The following LCLAT1 variants were observed in gnomAD, a reference collection of about 807,000 sequenced individuals.
LCLAT1 encodes lysocardiolipin acyltransferase 1, also known as 1-AGP acyltransferase 8.
Under a neutral mutation model 30.7 loss-of-function variants are expected in LCLAT1, and 11 were observed. The ratio of observed to expected loss-of-function variants is 0.36; its 90% CI spans 0.23 to 0.59. The LOEUF is 0.59. LCLAT1 is among the 20% of genes least tolerant of loss of function. The pLI is 0.77. For synonymous variants in LCLAT1, 155 were observed against 151.3 expected, an observed-to-expected ratio of 1.02 and a Z score of -0.18; for missense variants, 402 against 458.6, an observed-to-expected ratio of 0.88 and a Z score of 1.13.
At chr2:30,594,415 T>C (rs879552671) in intron 5 of LCLAT1, among the ~76,000 whole-genome samples, 2 of 152,242 alleles carry the variant, frequency 1.3e-5, no homozygotes, top group Non-Finnish European at 2.9e-5. Flanking sequence ...ATCAAGTATC[T>C]GCTTCTGTTA....
intron 5 of LCLAT1, among the ~76,000 whole-genome samples, chr2:30,578,713 T>A (rs1326535629): frequency 6.6e-6 from 1 of 152,154 alleles, no homozygotes; most frequent in Non-Finnish European, 1.5e-5. Context: ...ATCTACCAAC[T>A]TGACCATGAT....
At chr2:30,462,797 A>T (rs1682228108) in intron 1 of LCLAT1, among the ~76,000 whole-genome samples, 1 of 152,226 alleles carries the variant, frequency 6.6e-6, no homozygotes. Context: ...GAAATTTTAA[A>T]CTATAAAAGT....
chr2:30,453,566 C>T (rs984745311), intron 1 of LCLAT1, among the ~76,000 whole-genome samples: 3 of 152,166 alleles, frequency 2.0e-5, no homozygotes, highest in African/African-American at 4.8e-5. Context: ...CGTTTCTTGA[C>T]TAAACTCGAT....
chr2:30,534,389 T>C (rs1686139323), intron 3 of LCLAT1, among the ~76,000 whole-genome samples: 2 of 152,098 alleles, frequency 1.3e-5, no homozygotes, highest in South Asian at 4.1e-4. Context: ...GCTGTTCTCC[T>C]GGCTTAGCCT....
At chr2:30,615,619 G>A (rs1667958891) in intron 5 of LCLAT1, among the ~76,000 whole-genome samples, 1 of 152,050 alleles carries the variant, frequency 6.6e-6, no homozygotes, top group African/African-American at 2.4e-5. Context: ...ACCAAAACTT[G>A]TGCCTAATAG....
intron 5 of LCLAT1, among the ~76,000 whole-genome samples, chr2:30,568,453 G>A (rs1387901499): frequency 6.6e-6 from 1 of 150,560 alleles, no homozygotes; most frequent in Non-Finnish European, 1.5e-5. Flanking sequence ...AGAGAGTTAG[G>A]CTATAATTCC....
intron 5 of LCLAT1, among the ~76,000 whole-genome samples, chr2:30,637,637 G>C (rs1275137944): frequency 2.6e-5 from 4 of 152,104 alleles, no homozygotes; most frequent in Admixed American, 1.3e-4. Context: ...GAGTGCATTG[G>C]CACGATCTCA....
intron 1 of LCLAT1, among the ~76,000 whole-genome samples, chr2:30,470,688 A>G (rs1029498062): frequency 6.6e-6 from 1 of 152,154 alleles, no homozygotes; most frequent in Non-Finnish European, 1.5e-5. Context: ...AAGTTTTGAA[A>G]TTAGGAAGTG....
chr2:30,606,177 C>T (rs1399901718), intron 5 of LCLAT1: 6 of 402,066 alleles, frequency 1.5e-5, no homozygotes, highest in Non-Finnish European at 2.7e-5. Context: ...AAGCAATTTA[C>T]AGATTCAATG....
intron 1 of LCLAT1, among the ~76,000 whole-genome samples, chr2:30,467,271 A>C (rs1682492555): frequency 1.3e-5 from 2 of 152,168 alleles, no homozygotes; most frequent in African/African-American, 4.8e-5. Flanking sequence ...ACATGAACTC[A>C]TCCTTTTTTA....
chr2:30,567,987 T>G (rs1006018566), intron 4 of LCLAT1, 73 bp from the exon 5 acceptor site: 46 of 736,422 alleles, frequency 6.2e-5, no homozygotes, highest in Non-Finnish European at 1.0e-4. Context: ...TCAAAAAAAA[T>G]TCTGCACTTC....
intron 1 of LCLAT1, among the ~76,000 whole-genome samples, chr2:30,462,719 T>C (rs945005358): frequency 9.2e-5 from 14 of 152,330 alleles, no homozygotes; most frequent in African/African-American, 3.4e-4. Context: ...GGGGCTAGCC[T>C]GCGTGATAAG....
chr2:30,629,296 A>G (rs1006343810), intron 5 of LCLAT1, among the ~76,000 whole-genome samples: 11 of 152,186 alleles, frequency 7.2e-5, no homozygotes, highest in Non-Finnish European at 1.2e-4. Flanking sequence ...ATGGTGGCTC[A>G]CCCCTGTAAT....
At chr2:30,620,689 A>G (rs1668203420) in intron 5 of LCLAT1, among the ~76,000 whole-genome samples, 1 of 152,208 alleles carries the variant, frequency 6.6e-6, no homozygotes, top group African/African-American at 2.4e-5. Context: ...GAAAAAAGCA[A>G]TCCTTGTCAT....
intron 3 of LCLAT1, among the ~76,000 whole-genome samples, chr2:30,539,685 C>T (rs1029649206): frequency 6.6e-6 from 1 of 152,048 alleles, no homozygotes; most frequent in Non-Finnish European, 1.5e-5. Context: ...TAATCATGGT[C>T]CATCTTAAAT....
At chr2:30,478,803 T>C (rs1480615967) in intron 1 of LCLAT1, among the ~76,000 whole-genome samples, 2 of 152,210 alleles carry the variant, frequency 1.3e-5, no homozygotes, top group Admixed American at 1.3e-4. Flanking sequence ...TTTGGCATAG[T>C]ATTTGTAACT....
intron 5 of LCLAT1, among the ~76,000 whole-genome samples, chr2:30,622,898 C>T (rs2148518265): frequency 6.6e-6 from 1 of 152,220 alleles, no homozygotes; most frequent in Non-Finnish European, 1.5e-5. Flanking sequence ...AAAGAAGGTT[C>T]TTTAAGAGCC....
chr2:30,574,050 G>A (rs13014459), intron 5 of LCLAT1, among the ~76,000 whole-genome samples: 37,758 of 151,870 alleles, frequency 0.25, 5,614 homozygotes, highest in East Asian at 0.53. Context: ...GCTGAGGCAC[G>A]GGAATCGCTT....
intron 5 of LCLAT1, among the ~76,000 whole-genome samples, chr2:30,636,617 C>T (rs1252299748): frequency 6.6e-6 from 1 of 152,064 alleles, no homozygotes; most frequent in Non-Finnish European, 1.5e-5. Context: ...CTCAGTGGTG[C>T]CATCAAACTT....
Sources: allele counts gnomAD v4.1 joint callset (sites outside exome capture counted in the v4.1 genomes callset), GRCh38; gene constraint gnomAD v4.1.1; transcripts MANE v1.5; gene names NCBI Gene and HGNC (gene_info 2026-07-23, HGNC 2026-07-21).